The following PTPRS variants were observed in gnomAD, a reference collection of about 807,000 sequenced individuals.
PTPRS encodes the protein protein tyrosine phosphatase receptor type S, also known as receptor-type tyrosine-protein phosphatase S.
PTPRS carries 63 observed loss-of-function variants against 215.3 expected under a neutral mutation model. That is an observed-to-expected ratio of 0.29 (90% CI 0.24 to 0.36). The LOEUF (loss-of-function observed/expected upper bound fraction) is 0.36, where lower values mean the gene tolerates loss of function less well. Ranked by LOEUF, PTPRS falls within the 10% of genes least tolerant of loss-of-function variation. The pLI is 1.00. For synonymous variants in PTPRS, 1,404 were observed against 1,191.4 expected, an observed-to-expected ratio of 1.18 and a Z score of -3.68; for missense variants, 2,258 against 2,825.8, an observed-to-expected ratio of 0.80 and a Z score of 4.56.
chr19:5,219,910 G>T, intron 22 of PTPRS, 29 bp downstream of exon 22: 1 of 1,605,250 alleles, frequency 6.2e-7, no homozygotes, highest in Non-Finnish European at 8.5e-7. Context: ...GGTGTGTCTG[G>T]ATGTGGGCGG....
chr19:5,326,709 G>A (rs2050176978), intron 1 of PTPRS, among the ~76,000 whole-genome samples: 1 of 144,304 alleles, frequency 6.9e-6, no homozygotes. Flanking sequence ...AAAAAAAAAA[G>A]AAACGAAGAA....
At position 5,240,193 on chromosome 19, in the gene PTPRS, C is replaced by T. The variant is rs1240235382; in HGVS notation, c.1704+6G>A. 1 of 1,536,372 alleles carries T rather than the reference C, an allele frequency of 6.5e-7. No individual in the cohort carries two copies. The highest frequency in any genetic ancestry group is 1.2e-5 in the South Asian group (1 of 81,942). ...GGCAGGCCAGCCCGTCCCCGCGCTG[C>T]CTCACCTCCCGGCCATGGTCGCCTT... On this transcript the variant is annotated splice_donor_region_variant and intron_variant, in intron 12 of 37. Transcript: ENST00000262963.
chr19:5,324,921 A>T (rs2050130564), intron 1 of PTPRS, among the ~76,000 whole-genome samples: 1 of 152,132 alleles, frequency 6.6e-6, no homozygotes, highest in Non-Finnish European at 1.5e-5. Context: ...TCCCCAGGAG[A>T]GCCACATCCC....
intron 6 of PTPRS, among the ~76,000 whole-genome samples, chr19:5,261,801 G>A (rs984592509): frequency 2.0e-5 from 3 of 152,160 alleles, no homozygotes; most frequent in East Asian, 1.9e-4. Flanking sequence ...TGAACTTTTC[G>A]GAGTCCCTGA....
rs770446171 is a variant in PTPRS, at chr19:5,222,761, G to A, written c.3031C>T (p.Arg1011Ter). The A allele has an allele frequency of 1.9e-6, 3 of 1,598,680 alleles. No homozygotes were observed. The highest frequency in any genetic ancestry group is 2.5e-6 in the Non-Finnish European group (3 of 1,178,454). Residue 1011 changes from arginine (R) to a stop codon, truncating the protein, a stop_gained, in exon 18 of 38, where the codon CGA becomes TGA. Transcript: ENST00000262963. LOFTEE classifies it high-confidence loss of function. Reference protein sequence around the residue: ...KPDTAYDLQVRAHTRRGPGPF... With the variant: ...KPDTAYDLQV ...CCAGGGCCCCGGCGCGTGTGGGCTCGCACTTGGAGGTCATAGGCCGTGTCG... is the reference window on the plus strand; with the variant it reads ...CCAGGGCCCCGGCGCGTGTGGGCTCACACTTGGAGGTCATAGGCCGTGTCG...
At chr19:5,290,573 C>T (rs984387481) in intron 1 of PTPRS, among the ~76,000 whole-genome samples, 2 of 152,088 alleles carry the variant, frequency 1.3e-5, no homozygotes, top group African/African-American at 2.4e-5. Context: ...CTGTGTCACC[C>T]GCACGAGGCG....
intron 24 of PTPRS, 35 bp downstream of exon 24, chr19:5,218,752 G>C (rs746409217): frequency 6.2e-7 from 1 of 1,610,610 alleles, no homozygotes; most frequent in Admixed American, 1.7e-5. Flanking sequence ...TCTTCCTCTT[G>C]CCTGAAGCCT....
At chr19:5,324,535 T>C (rs2050119909) in intron 1 of PTPRS, among the ~76,000 whole-genome samples, 1 of 152,078 alleles carries the variant, frequency 6.6e-6, no homozygotes, top group Admixed American at 6.5e-5. Context: ...GATCTGATGG[T>C]TGCAATGGAG....
intron 16 of PTPRS, among the ~76,000 whole-genome samples, chr19:5,226,898 G>A (rs1568419190): frequency 6.6e-6 from 1 of 152,086 alleles, no homozygotes; most frequent in South Asian, 2.1e-4. Context: ...CTTGTCTATT[G>A]CATCTGTAGA....
intron 4 of PTPRS, among the ~76,000 whole-genome samples, chr19:5,267,519 T>C (rs1030928634): frequency 4.0e-5 from 6 of 151,778 alleles, no homozygotes; most frequent in Non-Finnish European, 7.4e-5. Context: ...TAGCCAGGCA[T>C]GGTGGCGGAC....
chr19:5,230,114 G>C (rs75528506), intron 14 of PTPRS, among the ~76,000 whole-genome samples: 1 of 152,208 alleles, frequency 6.6e-6, no homozygotes, highest in African/African-American at 2.4e-5. Context: ...CAGTCCAGCT[G>C]TATGTTCCTA....
At chr19:5,309,163 T>TTGGC (rs2049608217) in intron 1 of PTPRS, among the ~76,000 whole-genome samples, 1 of 151,000 alleles carries the variant, frequency 6.6e-6, no homozygotes, top group African/African-American at 2.4e-5. Context: ...GAAGGGGGGG[T>TTGGC]TGGCTGGCTC....
rs941951323 is a variant in PTPRS at position 5,295,333 on chromosome 19, A to T, written c.-94-9099T>A. On this transcript the variant is annotated intron_variant, in intron 1 of 37. Coordinates refer to ENST00000262963, the MANE Select transcript of PTPRS (RefSeq NM_002850.4). This position sits in a 1 kb window ranked among gnomAD's most constrained non-coding sequence, Gnocchi z 4.6. ...GACAAGGGCTTGCCAGCCGCTTCCC[A>T]GCCAGTCCTGCCCTCTCTGGGCCTC... Among the ~76,000 whole-genome samples, 1 of 152,148 alleles carries T rather than the reference A, an allele frequency of 6.6e-6. No individual in the cohort carries two copies. Among genetic ancestry groups the T allele is most frequent in the African/African-American group, 2.4e-5 (1 of 41,432 alleles).
At chr19:5,302,467 G>T (rs567696682) in intron 1 of PTPRS, among the ~76,000 whole-genome samples, 1 of 152,298 alleles carries the variant, frequency 6.6e-6, no homozygotes, top group East Asian at 1.9e-4. Flanking sequence ...AGACCCAAAA[G>T]ATTCTGCCCT....
chr19:5,220,291 A>C lies in PTPRS; in HGVS notation c.3518T>G (p.Leu1173Arg). The C allele has an allele frequency of 6.2e-7, 1 of 1,614,106 alleles. No homozygotes were observed. The highest frequency in any genetic ancestry group is 8.5e-7 in the Non-Finnish European group (1 of 1,180,000). The change falls in exon 21 of 38, where the codon CTG becomes CGG. Residue 1173 changes from leucine to arginine, a missense_variant. Around this residue, in one of 6 missense-constraint regions of PTPRS, gnomAD observed 927 missense variants for 1,125.9 expected, o/e 0.82. Coordinates refer to ENST00000262963, the MANE Select transcript of PTPRS (RefSeq NM_002850.4). ...CAGATCCATGTCCTCTGGGCTACCC[A>C]GCGGGGTCAGGAATTGGCCTCCACG... ...KSRGGQFLTPLGSPEDMDLEE... is the reference protein window; with the variant it reads ...KSRGGQFLTPRGSPEDMDLEE...
At chr19:5,271,349 G>A (rs1388719949) in intron 4 of PTPRS, among the ~76,000 whole-genome samples, 1 of 151,918 alleles carries the variant, frequency 6.6e-6, no homozygotes, top group Admixed American at 6.6e-5. Context: ...TCACTCATCT[G>A]GTTCACGGAA....
chr19:5,290,072 C>T (rs1478905353), intron 1 of PTPRS, among the ~76,000 whole-genome samples: 7 of 152,218 alleles, frequency 4.6e-5, no homozygotes, highest in Non-Finnish European at 1.0e-4. Flanking sequence ...TGGTGGCCAG[C>T]GAGGCTGAGC....
chr19:5,229,269 C>T (rs530928053), intron 16 of PTPRS, 47 bp downstream of exon 16: 10 of 1,364,608 alleles, frequency 7.3e-6, no homozygotes, highest in Non-Finnish European at 5.7e-6. Flanking sequence ...CAGCACGGCC[C>T]GCGGGAAGCG....
At chr19:5,220,485 G>A (rs2041885055) in intron 20 of PTPRS, 132 bp from the exon 21 acceptor site, 3 of 767,296 alleles carry the variant, frequency 3.9e-6, no homozygotes, top group Non-Finnish European at 6.5e-6. Flanking sequence ...ATTCCCCTAT[G>A]CCCCATCCAC....
Sources: gnomAD v4.1 joint callset for allele counts (sites outside exome capture counted in the v4.1 genomes callset) on GRCh38, gnomAD v4.1.1 for gene constraint, gnomAD v4.1.1 regional missense constraint, Gnocchi (gnomAD v3.1) non-coding constraint, MANE v1.5 for transcripts, NCBI Gene and HGNC (gene_info 2026-07-23, HGNC 2026-07-21) for gene names.